Variants in DOCK7 observed in about 807,000 individuals in gnomAD.
The protein encoded by DOCK7 is dedicator of cytokinesis protein 7.
In DOCK7, 138 loss-of-function variants were observed where a neutral mutation model predicts 271.0. The observed-to-expected ratio is 0.51, with a 90% CI of 0.44 to 0.59. DOCK7 has a LOEUF of 0.59. DOCK7 is among the 20% of genes least tolerant of loss of function. The pLI is 0.00. For missense variants in DOCK7, 2,066 were observed against 2,592.4 expected (o/e 0.80, Z 4.41); for synonymous variants, 823 against 876.1 (o/e 0.94, Z 1.07).
rs149185658 is a variant in DOCK7, at chr1:62,563,700, T to G, written c.2113-1997A>C. On this transcript the variant is annotated intron_variant, in intron 18 of 49. Coordinates refer to ENST00000635253, the MANE Select transcript of DOCK7 (RefSeq NM_001367561.1). Reference sequence around the variant, plus strand: ...AGGATCAAATTCACACACAACAATGTTAACTCCGAATGTAAACGGGCTAAA... The same window carrying G: ...AGGATCAAATTCACACACAACAATGGTAACTCCGAATGTAAACGGGCTAAA... Among the ~76,000 whole-genome samples the G allele has an allele frequency of 5.0e-3, 761 of 151,426 alleles. 3 individuals are homozygous for G. Among genetic ancestry groups the G allele is most frequent in the African/African-American group, 0.017 (717 of 41,316 alleles).
chr1:62,457,485 CA>C, intron 49 of DOCK7, 52 bp downstream of exon 49: 2 of 1,544,472 alleles, frequency 1.3e-6, no homozygotes, highest in Non-Finnish European at 1.8e-6. Context: ...ACTAGTTTAA[CA>C]TGTTAGGTTT....
At chr1:62,522,692 A>G (rs1437251832) in intron 31 of DOCK7, among the ~76,000 whole-genome samples, 1 of 151,972 alleles carries the variant, frequency 6.6e-6, no homozygotes, top group Non-Finnish European at 1.5e-5. Flanking sequence ...TAAATTACAT[A>G]TATAAAAAAA....
chr1:62,487,633 G>A (rs1646333074), intron 42 of DOCK7: 1 of 438,680 alleles, frequency 2.3e-6, no homozygotes, highest in South Asian at 3.8e-5. Flanking sequence ...TTAAGTGAAA[G>A]TACAAATTTT....
intron 15 of DOCK7, chr1:62,584,177 G>C: frequency 1.0e-6 from 1 of 983,986 alleles, no homozygotes. Flanking sequence ...GGGCATATTA[G>C]CAGGTATTTC....
At chr1:62,478,987 A>T (rs964464319) in intron 43 of DOCK7, 18 of 151,904 alleles carry the variant, frequency 1.2e-4, no homozygotes, top group African/African-American at 3.4e-4. Flanking sequence ...AATTTTTTTT[A>T]AAAAAGTGTC....
intron 28 of DOCK7, 53 bp downstream of exon 28, chr1:62,537,838 T>C: frequency 1.3e-6 from 2 of 1,516,976 alleles, no homozygotes; most frequent in Non-Finnish European, 1.8e-6. Context: ...TGTTTAAAAC[T>C]ATTCTTCACA....
chr1:62,679,242 C>G (rs143097799), intron 1 of DOCK7, among the ~76,000 whole-genome samples: 1,737 of 152,022 alleles, frequency 0.011, 44 homozygotes, highest in African/African-American at 0.04. Flanking sequence ...ATATTTCTTA[C>G]GACCCATAAA....
chr1:62,463,371 G>A (rs1351599517), intron 48 of DOCK7, among the ~76,000 whole-genome samples: 1 of 152,144 alleles, frequency 6.6e-6, no homozygotes. Context: ...TGCTACTGAT[G>A]GGAATGTAAA....
chr1:62,603,427 T>G (rs951237991), intron 14 of DOCK7, among the ~76,000 whole-genome samples: 3 of 151,806 alleles, frequency 2.0e-5, no homozygotes, highest in Non-Finnish European at 4.4e-5. Flanking sequence ...AGAAAAAAGT[T>G]ATTAAGAACC....
intron 7 of DOCK7, chr1:62,641,063 G>C (rs1156296120): frequency 5.3e-6 from 1 of 187,246 alleles, no homozygotes; most frequent in Non-Finnish European, 1.1e-5. Context: ...CAGGGCAGCA[G>C]TGAAAGAAGG....
intron 14 of DOCK7, chr1:62,597,741 G>C (rs1160109040): frequency 1.2e-6 from 2 of 1,613,560 alleles, no homozygotes; most frequent in African/African-American, 1.3e-5. Context: ...TGGTCTTAAA[G>C]ACTTTGTCCA....
intron 43 of DOCK7, chr1:62,487,015 T>C (rs1476263628): frequency 1.3e-5 from 2 of 157,508 alleles, no homozygotes; most frequent in Non-Finnish European, 2.8e-5. Flanking sequence ...GTATTTTTTA[T>C]TTACACCTCT....
intron 18 of DOCK7, among the ~76,000 whole-genome samples, chr1:62,565,294 C>T (rs1319526890): frequency 5.9e-5 from 9 of 152,070 alleles, no homozygotes; most frequent in African/African-American, 9.7e-5. Flanking sequence ...TGATCAACAT[C>T]GATGTGAAAA....
intron 37 of DOCK7, among the ~76,000 whole-genome samples, chr1:62,498,703 GAC>G (rs1417115870): frequency 2.0e-5 from 3 of 150,008 alleles, no homozygotes; most frequent in Non-Finnish European, 4.4e-5. Context: ...AAGCAGCCAA[GAC>G]ACAGTTCCAT....
intron 10 of DOCK7, among the ~76,000 whole-genome samples, chr1:62,632,096 CCT>C (rs1458069503): frequency 1.3e-5 from 2 of 152,146 alleles, no homozygotes; most frequent in African/African-American, 4.8e-5. Context: ...ACCTATACTA[CCT>C]CTCTCATATA....
intron 1 of DOCK7, among the ~76,000 whole-genome samples, chr1:62,679,619 G>A (rs978188312): frequency 6.6e-6 from 1 of 152,220 alleles, no homozygotes; most frequent in Non-Finnish European, 1.5e-5. Flanking sequence ...CCACCAGATT[G>A]TGGTAAAAAT....
chr1:62,631,394 T>A lies in DOCK7; in HGVS notation c.1128A>T (p.Lys376Asn). The A allele has an allele frequency of 6.3e-7, 1 of 1,597,628 alleles. No homozygotes were observed. The change falls in exon 11 of 50, where the codon AAA becomes AAT. Residue 376 changes from lysine to asparagine, a missense_variant. Lys to Asn is a moderately conservative substitution (Grantham distance 94). Around this residue, in one of 2 missense-constraint regions of DOCK7, gnomAD observed 1,414 missense variants for 1,670.4 expected, o/e 0.85. Transcript: ENST00000635253. ...KEADATKNKE[K>N]LEKLKSQADQ... ...CTGCTTGACTCTTCAGTTTCTCCAG[T>A]TTTTCTTTATTCTGCAAAACAGAAC...
At chr1:62,670,829 G>T (rs372347983) in intron 1 of DOCK7, among the ~76,000 whole-genome samples, 1 of 148,968 alleles carries the variant, frequency 6.7e-6, no homozygotes, top group Non-Finnish European at 1.5e-5. Flanking sequence ...CAGGCTGCCC[G>T]AGCCAGCATT....
intron 14 of DOCK7, chr1:62,597,780 T>C (rs1256835312): frequency 1.2e-6 from 2 of 1,613,544 alleles, no homozygotes; most frequent in Admixed American, 1.7e-5. Flanking sequence ...TAATGACATA[T>C]TTCAAAAACT....
Sources: allele counts gnomAD v4.1 joint callset (sites outside exome capture counted in the v4.1 genomes callset), GRCh38; gene constraint gnomAD v4.1.1; regional missense constraint gnomAD v4.1.1; transcripts MANE v1.5; gene names NCBI Gene and HGNC (gene_info 2026-07-23, HGNC 2026-07-21).